Variants in SPEN observed in about 807,000 individuals in gnomAD.
The protein encoded by SPEN is spen family transcriptional repressor, also known as msx2-interacting protein.
SPEN carries 18 observed loss-of-function variants against 269.9 expected under a neutral mutation model. The ratio of observed to expected loss-of-function variants is 0.07; its 90% CI spans 0.05 to 0.10. SPEN has a LOEUF of 0.10. SPEN is among the 10% of genes least tolerant of loss of function. SPEN has a pLI of 1.00. For synonymous variants in SPEN, 1,726 were observed against 1,765.7 expected, an observed-to-expected ratio of 0.98 and a Z score of 0.56; for missense variants, 3,822 against 4,631.2, an observed-to-expected ratio of 0.83 and a Z score of 5.07.
intron 3 of SPEN, among the ~76,000 whole-genome samples, chr1:15,898,050 A>C (rs2070859771): frequency 6.6e-6 from 1 of 152,084 alleles, no homozygotes; most frequent in South Asian, 2.1e-4. Context: ...CCCTTGATTG[A>C]GCAGAGCATT....
At chr1:15,901,289 T>C (rs1373107370) in intron 3 of SPEN, among the ~76,000 whole-genome samples, 1 of 149,550 alleles carries the variant, frequency 6.7e-6, no homozygotes, top group Admixed American at 6.7e-5. Flanking sequence ...TACTCCAGCC[T>C]GAGCGAAAGA....
In SPEN at chr1:15,937,289, A is replaced by T; in HGVS notation, c.10153A>T (p.Met3385Leu). The change falls in exon 12 of 15, where the codon ATG becomes TTG. Residue 3385 changes from methionine (M) to leucine (L), a missense_variant. Physicochemically the swap from Met to Leu is conservative, Grantham distance 15. Transcript: ENST00000375759. The surrounding 1 kb of genome is among the most constrained non-coding windows in gnomAD (Gnocchi z 5.7). ...GQPGQPPSSK[M>L]PQVSQEAKGT... ...GCCCGGCCAGCCACCAAGCAGCAAG[A>T]TGCCTCAAGTGTCCCAGGAGGCAAA... The T allele has an allele frequency of 6.2e-7, 1 of 1,613,772 alleles. No individual in the cohort carries two copies. The highest frequency in any genetic ancestry group is 8.5e-7 in the Non-Finnish European group (1 of 1,179,964).
chr1:15,858,568 G>A (rs1274383877), intron 1 of SPEN, among the ~76,000 whole-genome samples: 1 of 152,174 alleles, frequency 6.6e-6, no homozygotes, highest in Non-Finnish European at 1.5e-5. Flanking sequence ...ATGAAATCAC[G>A]TAAAGATGCA....
In SPEN at chr1:15,847,929, G is replaced by A. The variant is rs943860285; in HGVS notation, c.-139G>A. On this transcript the variant is annotated 5_prime_UTR_variant, in exon 1 of 15. Transcript: ENST00000375759. Reference sequence around the variant, plus strand: ...ATGGTCTCTGCACGGGGGGGAGCCGGAGGAGCCGCCGCCGCTGCCGACGCC... The same window carrying A: ...ATGGTCTCTGCACGGGGGGGAGCCGAAGGAGCCGCCGCCGCTGCCGACGCC... The A allele has an allele frequency of 7.5e-5, 27 of 360,688 alleles. No individual in the cohort carries two copies. Among genetic ancestry groups the A allele is most frequent in the Non-Finnish European group, 9.7e-5 (20 of 205,940 alleles). 22.3% of individuals were successfully genotyped at this position (360,688 alleles called of 1,614,324 possible).
chr1:15,909,203 G>A (rs2070989091), intron 3 of SPEN, 118 bp from the exon 4 acceptor site: 4 of 1,043,522 alleles, frequency 3.8e-6, no homozygotes, highest in African/African-American at 1.6e-5. Context: ...AGAATGCAGG[G>A]CCTCCAGAAA....
At chr1:15,897,515 C>A (rs1323663813) in intron 3 of SPEN, among the ~76,000 whole-genome samples, 1 of 152,170 alleles carries the variant, frequency 6.6e-6, no homozygotes, top group Non-Finnish European at 1.5e-5. Flanking sequence ...GCACCAGCCA[C>A]CACACCCAGC....
rs186488566 is a variant in SPEN, at chr1:15,861,625, T to C, written c.84-11191T>C. 6.4e-3 allele frequency among the ~76,000 whole-genome samples: 978 copies of C among 152,212 alleles called. 8 individuals carry two copies. The highest frequency in any genetic ancestry group is 0.02 in the Middle Eastern group (6 of 294). ...AGCACCTTTTTAGAGTCCTTTCCAT[T>C]CCCAGCAAGGACTCTCTTTTTTTTG... On this transcript the variant is annotated intron_variant, in intron 1 of 14. Coordinates refer to ENST00000375759, the MANE Select transcript of SPEN (RefSeq NM_015001.3).
chr1:15,877,414 G>A (rs773187326), intron 3 of SPEN, among the ~76,000 whole-genome samples: 5 of 151,998 alleles, frequency 3.3e-5, no homozygotes, highest in African/African-American at 9.7e-5. Flanking sequence ...GATTACAAAC[G>A]TGCGCAACCA....
At chr1:15,872,397 C>G (rs2070588319) in intron 1 of SPEN, among the ~76,000 whole-genome samples, 1 of 151,824 alleles carries the variant, frequency 6.6e-6, no homozygotes, top group Non-Finnish European at 1.5e-5. Flanking sequence ...TCGAGACCAT[C>G]CTGGCTAACA....
chr1:15,874,535 TTGTGCCTGCCTTC>T, intron 2 of SPEN: 1 of 500,122 alleles, frequency 2.0e-6, no homozygotes. Context: ...CTGCTAGCTC[TTGTGCCTGCCTTC>T]TGTATCTTCT....
At chr1:15,862,338 C>T (rs1302260346) in intron 1 of SPEN, among the ~76,000 whole-genome samples, 2 of 152,180 alleles carry the variant, frequency 1.3e-5, no homozygotes, top group Admixed American at 6.5e-5. Context: ...AAATCAGATA[C>T]ATTTATGAAA....
At chr1:15,878,299 A>C (rs971599377) in intron 3 of SPEN, among the ~76,000 whole-genome samples, 3 of 152,206 alleles carry the variant, frequency 2.0e-5, no homozygotes, top group African/African-American at 7.2e-5. Flanking sequence ...GCAAATGGTC[A>C]TGTAGTTGAA....
At position 15,848,511 on chromosome 1, in the gene SPEN, C is replaced by T. The variant is rs2070299686; in HGVS notation, c.83+361C>T. On this transcript the variant is annotated intron_variant, in intron 1 of 14. Transcript: ENST00000375759. This position sits in a 1 kb window ranked among gnomAD's most constrained non-coding sequence, Gnocchi z 5.1. The stretch of plus-strand genomic sequence containing the variant: ...GGCGGCGGGGTCGCGTCCTTGCGCG[C>T]AGTGCCCGGCCCGGAGCAGCCGGGA... 6.6e-6 allele frequency among the ~76,000 whole-genome samples: 1 copy of T among 151,960 alleles called. No individual in the cohort carries two copies. Among genetic ancestry groups the T allele is most frequent in the Non-Finnish European group, 1.5e-5 (1 of 67,960 alleles).
chr1:15,918,670 T>G (rs889733419), intron 6 of SPEN, among the ~76,000 whole-genome samples: 7 of 152,230 alleles, frequency 4.6e-5, no homozygotes, highest in African/African-American at 1.7e-4. Flanking sequence ...AAATTTTGAA[T>G]TTTGAATTGC....
In SPEN at chr1:15,929,619, G is replaced by A. The variant is rs771308965; in HGVS notation, c.3379G>A (p.Glu1127Lys). 3.1e-6 allele frequency: 5 copies of A among 1,614,120 alleles called. No homozygotes were observed. The Admixed American group carries it at 8.3e-5, about 27-fold the overall frequency. Reference protein sequence around the residue: ...QVLDDQGPEREDVRKNYCSLR... With the variant: ...QVLDDQGPERKDVRKNYCSLR... ...ATTAGATGATCAAGGACCAGAGAGAGAAGACGTTAGGAAAAACTATTGCAG... is the reference window on the plus strand; with the variant it reads ...ATTAGATGATCAAGGACCAGAGAGAAAAGACGTTAGGAAAAACTATTGCAG... Residue 1127 changes from glutamate (E) to lysine (K), a missense_variant, in exon 11 of 15, where the codon GAA becomes AAA. By Grantham distance (56) the Glu-to-Lys change is moderately conservative. Transcript: ENST00000375759. The surrounding 1 kb of genome is among the most constrained non-coding windows in gnomAD (Gnocchi z 5.8).
At position 15,928,965 on chromosome 1, in the gene SPEN, A is replaced by G; in HGVS notation, c.2725A>G (p.Lys909Glu). The change falls in exon 11 of 15, where the codon AAA (lysine) becomes GAA (glutamate). Residue 909 changes from lysine (K) to glutamate (E), a missense_variant. Lys to Glu is a moderately conservative substitution (Grantham distance 56, BLOSUM62 1). Around this residue, in one of 16 missense-constraint regions of SPEN, gnomAD observed 572 missense variants for 582.6 expected, o/e 0.98. Coordinates refer to ENST00000375759, the MANE Select transcript of SPEN (RefSeq NM_015001.3). This position sits in a 1 kb window ranked among gnomAD's most constrained non-coding sequence, Gnocchi z 5.7. The part of the protein sequence containing the change: ...LKAKLDNDTV[K>E]SSALDQKLQV... ...AGCCAAGCTTGATAATGACACTGTC[A>G]AATCTTCTGCCCTGGACCAGAAACT... 6.2e-7 allele frequency: 1 copy of G among 1,614,262 alleles called. No homozygotes were observed. Among genetic ancestry groups the G allele is most frequent in the African/African-American group, 1.3e-5 (1 of 75,066 alleles).
At chr1:15,885,229 T>C (rs999542003) in intron 3 of SPEN, among the ~76,000 whole-genome samples, 3 of 151,948 alleles carry the variant, frequency 2.0e-5, no homozygotes, top group Admixed American at 6.6e-5. Flanking sequence ...TGAGATGGAG[T>C]CTCGCTCTGT....
At chr1:15,855,206 G>A (rs1343243141) in intron 1 of SPEN, among the ~76,000 whole-genome samples, 1 of 152,144 alleles carries the variant, frequency 6.6e-6, no homozygotes, top group Non-Finnish European at 1.5e-5. Context: ...TGCAAGGGTT[G>A]CATGTGCCTG....
At chr1:15,851,561 A>C (rs1297520068) in intron 1 of SPEN, among the ~76,000 whole-genome samples, 2 of 152,146 alleles carry the variant, frequency 1.3e-5, no homozygotes, top group East Asian at 1.9e-4. Context: ...AAACCCTTAA[A>C]ATATTTAACA....
Sources: gnomAD v4.1 joint callset for allele counts (sites outside exome capture counted in the v4.1 genomes callset) on GRCh38, gnomAD v4.1.1 for gene constraint, gnomAD v4.1.1 regional missense constraint, Gnocchi (gnomAD v3.1) non-coding constraint, MANE v1.5 for transcripts, NCBI Gene and HGNC (gene_info 2026-07-23, HGNC 2026-07-21) for gene names.